Variants in TANGO6 observed in about 807,000 individuals in gnomAD.
TANGO6 encodes transport and golgi organization 6 homolog, also known as transport and Golgi organization protein 6 homolog.
TANGO6 carries 90 observed loss-of-function variants against 114.2 expected under a neutral mutation model. That is an observed-to-expected ratio of 0.79 (90% CI 0.66 to 0.94). TANGO6 has a LOEUF of 0.94. TANGO6 is among the 40% of genes least tolerant of loss of function. The probability of loss-of-function intolerance (pLI) is 0.00; values close to 1 mark genes in which losing one functional copy is unlikely to be tolerated. For missense variants in TANGO6, 1,274 were observed against 1,315.3 expected (o/e 0.97, Z 0.49); for synonymous variants, 477 against 509.8 (o/e 0.94, Z 0.87).
At chr16:68,943,854 C>T (rs79114168) in intron 14 of TANGO6, among the ~76,000 whole-genome samples, 171 of 152,202 alleles carry the variant, frequency 1.1e-3, no homozygotes, top group Non-Finnish European at 1.9e-3. Flanking sequence ...CTAGTTTTTA[C>T]GTGTTTTTTA....
intron 15 of TANGO6, among the ~76,000 whole-genome samples, chr16:69,009,669 A>C (rs1450701320): frequency 6.6e-6 from 1 of 152,190 alleles, no homozygotes; most frequent in East Asian, 1.9e-4. Context: ...ATTGTCCTTC[A>C]ATTCATGAAC....
intron 15 of TANGO6, among the ~76,000 whole-genome samples, chr16:68,983,888 C>T (rs184362295): frequency 6.6e-6 from 1 of 151,894 alleles, no homozygotes; most frequent in Non-Finnish European, 1.5e-5. Flanking sequence ...AAAAAATTAG[C>T]CAGTCGTGTT....
intron 15 of TANGO6, among the ~76,000 whole-genome samples, chr16:68,983,499 G>T (rs1223241591): frequency 1.3e-5 from 2 of 152,092 alleles, no homozygotes; most frequent in African/African-American, 2.4e-5. Flanking sequence ...AAAAAGCAAT[G>T]GTCTCTTCCT....
chr16:68,979,669 G>T (rs1278772005), intron 15 of TANGO6, among the ~76,000 whole-genome samples: 4 of 152,100 alleles, frequency 2.6e-5, no homozygotes, highest in Non-Finnish European at 5.9e-5. Context: ...TTATCAAGAA[G>T]ATATATAAAG....
At chr16:69,079,614 C>G (rs886528116) in intron 17 of TANGO6, among the ~76,000 whole-genome samples, 2 of 151,806 alleles carry the variant, frequency 1.3e-5, no homozygotes, top group Non-Finnish European at 2.9e-5. Context: ...TAAGGAGAAG[C>G]TGAATTATAC....
Position 69,077,184 on chromosome 16 carries a change from G to A in TANGO6, c.3109-6301G>A, listed in dbSNP as rs150654957. On this transcript the variant is annotated intron_variant, in intron 17 of 17. Coordinates refer to ENST00000261778, the MANE Select transcript of TANGO6 (RefSeq NM_024562.2). ...AGCCTCCAAGCCCTAGACTGCAGGCGTGTGCCACCATGCCTGGCTAATTTT... is the reference window on the plus strand; with the variant it reads ...AGCCTCCAAGCCCTAGACTGCAGGCATGTGCCACCATGCCTGGCTAATTTT... Among the ~76,000 whole-genome samples, 134 of 151,984 alleles carry A rather than the reference G, an allele frequency of 8.8e-4. No homozygotes were observed. In the Middle Eastern group the frequency reaches 0.014, roughly 15 times the overall value.
intron 15 of TANGO6, among the ~76,000 whole-genome samples, chr16:69,014,999 T>C (rs1959269650): frequency 6.6e-6 from 1 of 152,134 alleles, no homozygotes; most frequent in Admixed American, 6.5e-5. Flanking sequence ...TCTTTGACTA[T>C]GTGCATTCAT....
At chr16:68,936,223 C>A (rs1305064542) in intron 14 of TANGO6, among the ~76,000 whole-genome samples, 3 of 151,956 alleles carry the variant, frequency 2.0e-5, no homozygotes, top group African/African-American at 7.3e-5. Context: ...TTTGAGATTC[C>A]CATAGTGTAC....
At chr16:69,068,099 C>G (rs1159681812) in intron 17 of TANGO6, among the ~76,000 whole-genome samples, 2 of 152,048 alleles carry the variant, frequency 1.3e-5, no homozygotes, top group Non-Finnish European at 2.9e-5. Flanking sequence ...CAAGATCACA[C>G]CACTGCACTC....
chr16:68,886,910 C>T (rs774494778), intron 7 of TANGO6, among the ~76,000 whole-genome samples: 1 of 152,056 alleles, frequency 6.6e-6, no homozygotes, highest in Non-Finnish European at 1.5e-5. Context: ...AAGGTTCAAG[C>T]GATTCTCTTG....
intron 3 of TANGO6, among the ~76,000 whole-genome samples, chr16:68,864,117 C>T (rs577789186): frequency 8.0e-5 from 12 of 150,750 alleles, no homozygotes; most frequent in East Asian, 7.8e-4. Flanking sequence ...GAGGTTGCAG[C>T]GAGATGAGAT....
chr16:69,003,926 G>GT (rs201499376), intron 15 of TANGO6, among the ~76,000 whole-genome samples: 177 of 148,848 alleles, frequency 1.2e-3, no homozygotes, highest in African/African-American at 4.2e-3. Context: ...CCTACTTACT[G>GT]TTTTTTTTCT....
At position 68,907,662 on chromosome 16, in the gene TANGO6, G is replaced by A. The variant is rs1962871636; in HGVS notation, c.1800+87G>A. The A allele has an allele frequency of 7.7e-6, 11 of 1,429,624 alleles. No homozygotes were observed. The South Asian group carries it at 1.7e-4, about 22-fold the overall frequency. 88.6% of individuals were successfully genotyped at this position (1,429,624 alleles called of 1,614,324 possible). A position where few individuals can be genotyped will look rare whatever the true frequency, so the allele number is the denominator to read the frequency against. ...AATTTTCAAAGCATTTATAATTTTA[G>A]GTCCTAAAATGTAGGCCCTAATTTA... On this transcript the variant is annotated intron_variant, in intron 10 of 17. Coordinates refer to ENST00000261778, the MANE Select transcript of TANGO6 (RefSeq NM_024562.2).
Position 69,071,054 on chromosome 16 carries a change from G to C in TANGO6, c.3109-12431G>C, listed in dbSNP as rs530017601. ...CCTCCCAAAGTGTGATTACAGGTGT[G>C]AGCCACCATAAAATTAGGAATGCCT... On this transcript the variant is annotated intron_variant, in intron 17 of 17. Coordinates refer to ENST00000261778, the MANE Select transcript of TANGO6 (RefSeq NM_024562.2). 1.5e-4 allele frequency among the ~76,000 whole-genome samples: 23 copies of C among 152,268 alleles called. 1 individual carries two copies. In the South Asian group the frequency reaches 4.8e-3, roughly 32 times the overall value.
At chr16:68,846,226 A>G (rs1199395832) in intron 1 of TANGO6, among the ~76,000 whole-genome samples, 1 of 151,924 alleles carries the variant, frequency 6.6e-6, no homozygotes, top group African/African-American at 2.4e-5. Flanking sequence ...GCGTTTCACC[A>G]TGTTGGCCAG....
intron 7 of TANGO6, 73 bp downstream of exon 7, chr16:68,880,703 G>A (rs1962448092): frequency 2.7e-6 from 3 of 1,113,654 alleles, no homozygotes; most frequent in Middle Eastern, 3.1e-4. Flanking sequence ...TTCTTTTTTT[G>A]TAGAGATGGT....
rs369226851 is a variant in TANGO6, at chr16:69,046,694, A to T, written c.3108+6273A>T. 3.1e-4 allele frequency among the ~76,000 whole-genome samples: 47 copies of T among 152,278 alleles called. 1 individual carries two copies. The East Asian group carries it at 7.9e-3, about 26-fold the overall frequency. On this transcript the variant is annotated intron_variant, in intron 17 of 17. Transcript: ENST00000261778. ...GAGAAATATTTCTGCAAAGATGGGAAATCTCAGAAAAGAAATAGAAATGAT... is the reference window on the plus strand; with the variant it reads ...GAGAAATATTTCTGCAAAGATGGGATATCTCAGAAAAGAAATAGAAATGAT...
At position 68,919,150 on chromosome 16, in the gene TANGO6, C is replaced by T. The variant is rs370807451; in HGVS notation, c.2058C>T (p.Ser686=). 1 of 1,612,670 alleles carries T rather than the reference C, an allele frequency of 6.2e-7. No homozygotes were observed. The highest frequency in any genetic ancestry group is 1.3e-5 in the African/African-American group (1 of 74,842). Residue 686 remains serine (S), a synonymous_variant, in exon 12 of 18, where the codon AGC becomes AGT. Transcript: ENST00000261778. ...ACASLAHQAE[S]TVESQTLSMS... is the part of the protein sequence containing the mutation. Reference sequence around the variant, plus strand: ...CAAGCCTGGCCCATCAGGCAGAGAGCACCGTGGAATCACAGACGCTGAGCA... The same window carrying T: ...CAAGCCTGGCCCATCAGGCAGAGAGTACCGTGGAATCACAGACGCTGAGCA...
At chr16:68,865,628 A>C (rs1962164607) in intron 3 of TANGO6, among the ~76,000 whole-genome samples, 1 of 152,142 alleles carries the variant, frequency 6.6e-6, no homozygotes, top group South Asian at 2.1e-4. Flanking sequence ...GGCAGGAAAG[A>C]AATACAAAAG....
Sources: gnomAD v4.1 joint callset for allele counts (sites outside exome capture counted in the v4.1 genomes callset) on GRCh38, gnomAD v4.1.1 for gene constraint, MANE v1.5 for transcripts, NCBI Gene and HGNC (gene_info 2026-07-23, HGNC 2026-07-21) for gene names.